Variants in CDC42 observed in about 807,000 individuals in gnomAD.
The protein encoded by CDC42 is cell division cycle 42.
CDC42 carries 1 observed loss-of-function variant against 20.8 expected under a neutral mutation model. The observed-to-expected ratio is 0.05, with a 90% confidence interval of 0.02 to 0.23. CDC42 has a LOEUF of 0.23. CDC42 is among the 10% of genes least tolerant of loss of function. The pLI is 1.00. For synonymous variants in CDC42, 72 were observed against 84.8 expected, an observed-to-expected ratio of 0.85 and a Z score of 0.83; for missense variants, 49 against 227.9, an observed-to-expected ratio of 0.21 and a Z score of 5.05.
intron 5 of CDC42, among the ~76,000 whole-genome samples, chr1:22,087,699 G>A (rs1009845408): frequency 2.0e-5 from 3 of 152,054 alleles, no homozygotes; most frequent in African/African-American, 7.2e-5. Context: ...TGCCTAATAG[G>A]GCAAGATTGA....
At chr1:22,078,828 T>C in intron 2 of CDC42, 1 of 1,418,490 alleles carries the variant, frequency 7.0e-7, no homozygotes, top group Non-Finnish European at 9.3e-7. Flanking sequence ...TAGACAAGAT[T>C]CTAACGAGTG....
chr1:22,064,691 C>CTG (rs1553193974), intron 1 of CDC42, among the ~76,000 whole-genome samples: 2 of 146,172 alleles, frequency 1.4e-5, no homozygotes, highest in Non-Finnish European at 1.5e-5. Flanking sequence ...AGAGAAGATT[C>CTG]TTTTTTTTTT....
At chr1:22,053,934 T>A (rs1188902508) in intron 1 of CDC42, among the ~76,000 whole-genome samples, 3 of 152,206 alleles carry the variant, frequency 2.0e-5, no homozygotes, top group Non-Finnish European at 2.9e-5. Flanking sequence ...TCCCTTTGAC[T>A]ATACTAGAAT....
In CDC42 at chr1:22,099,988, T is replaced by A. The variant is rs1391078853; in HGVS notation, c.*8471T>A. On this transcript the variant is annotated 3_prime_UTR_variant, in exon 6 of 6. Coordinates refer to ENST00000656825, the MANE Select transcript of CDC42 (RefSeq NM_001791.4). ...GAATTTAAGCAGTCTGTCTCTAGAG[T>A]CTGCTCAGCTGGCCTTTTTTTCTTT... 6.6e-6 allele frequency among the ~76,000 whole-genome samples: 1 copy of A among 151,804 alleles called. No individual in the cohort carries two copies. The highest frequency in any genetic ancestry group is 1.9e-4 in the East Asian group (1 of 5,196).
intron 5 of CDC42, among the ~76,000 whole-genome samples, chr1:22,089,445 T>C (rs1326456314): frequency 1.3e-5 from 2 of 152,322 alleles, no homozygotes; most frequent in African/African-American, 4.8e-5. Context: ...GTGTATGCTG[T>C]TTTTAGAGTC....
Position 22,097,968 on chromosome 1 carries a change from G to A in CDC42, c.*6451G>A, listed in dbSNP as rs1413005335. Among the ~76,000 whole-genome samples the A allele has an allele frequency of 2.0e-5, 3 of 152,248 alleles. No homozygotes were observed. Among genetic ancestry groups the A allele is most frequent in the African/African-American group, 7.2e-5 (3 of 41,562 alleles). ...AGAAGTGACAGATTTTCAAGGCTAA[G>A]GTAAGTATAGCATTTTCTCAACCCT... is the stretch of plus-strand genomic sequence containing the variant. On this transcript the variant is annotated 3_prime_UTR_variant, in exon 6 of 6. Transcript: ENST00000656825.
chr1:22,064,580 T>G (rs1645401376), intron 1 of CDC42, among the ~76,000 whole-genome samples: 1 of 152,154 alleles, frequency 6.6e-6, no homozygotes, highest in Admixed American at 6.6e-5. Flanking sequence ...TGTGAGCCAC[T>G]GCGCCTGGCC....
chr1:22,073,157 T>C (rs2152829576), intron 1 of CDC42, among the ~76,000 whole-genome samples: 1 of 152,242 alleles, frequency 6.6e-6, no homozygotes, highest in African/African-American at 2.4e-5. Context: ...TCCATAACCT[T>C]TTAAAATCTG....
In CDC42 at chr1:22,097,774, A is replaced by G. The variant is rs760796633; in HGVS notation, c.*6257A>G. 1.3e-5 allele frequency among the ~76,000 whole-genome samples: 2 copies of G among 152,246 alleles called. No homozygotes were observed. The highest frequency in any genetic ancestry group is 2.9e-5 in the Non-Finnish European group (2 of 68,042). ...CCTACGTTATAGAAAAATGTGAAGTATGTCTAATAAAGGAGTACAGTGGAA... is the reference window on the plus strand; with the variant it reads ...CCTACGTTATAGAAAAATGTGAAGTGTGTCTAATAAAGGAGTACAGTGGAA... On this transcript the variant is annotated 3_prime_UTR_variant, in exon 6 of 6. Coordinates refer to ENST00000656825, the MANE Select transcript of CDC42 (RefSeq NM_001791.4).
chr1:22,091,393 C>A, intron 5 of CDC42, 35 bp from the exon 6 acceptor site: 1 of 1,346,538 alleles, frequency 7.4e-7, no homozygotes, highest in Non-Finnish European at 1.1e-6. Context: ...TACTGAAAAT[C>A]AGACCGCCCA....
At chr1:22,054,482 G>C (rs929597519) in intron 1 of CDC42, among the ~76,000 whole-genome samples, 2 of 152,086 alleles carry the variant, frequency 1.3e-5, no homozygotes, top group Non-Finnish European at 2.9e-5. Context: ...TCCCTAGGGT[G>C]TTTACATTCT....
chr1:22,099,982 C>A lies in CDC42; in HGVS notation c.*8465C>A, dbSNP rs536546411. 7.3e-5 allele frequency among the ~76,000 whole-genome samples: 11 copies of A among 150,230 alleles called. No homozygotes were observed. In the East Asian group the frequency reaches 1.8e-3, roughly 24 times the overall value. ...GGATTTGAATTTAAGCAGTCTGTCT[C>A]TAGAGTCTGCTCAGCTGGCCTTTTT... On this transcript the variant is annotated 3_prime_UTR_variant, in exon 6 of 6. Transcript: ENST00000656825.
At chr1:22,062,786 A>G (rs953017758) in intron 1 of CDC42, among the ~76,000 whole-genome samples, 5 of 145,036 alleles carry the variant, frequency 3.4e-5, no homozygotes, top group Non-Finnish European at 7.5e-5. Context: ...GAACTTATCC[A>G]TTTGTCTATG....
In CDC42 at chr1:22,094,294, A is replaced by AT. The variant is rs747002932; in HGVS notation, c.*2798dup. Among the ~76,000 whole-genome samples, 482 of 38,298 alleles carry AT rather than the reference A, an allele frequency of 0.013. 119 individuals are homozygous for AT. Among genetic ancestry groups the AT allele is most frequent in the African/African-American group, 0.049 (403 of 8,198 alleles). 25.1% of individuals were successfully genotyped at this position (38,298 alleles called of 152,430 possible). ...GTTTTACTGAACATCCTAGAAATAG[A>AT]TTTTTTTTTTTTTTTTTTTTTGAGA... On this transcript the variant is annotated 3_prime_UTR_variant, in exon 6 of 6. Coordinates refer to ENST00000656825, the MANE Select transcript of CDC42 (RefSeq NM_001791.4).
intron 5 of CDC42, among the ~76,000 whole-genome samples, chr1:22,090,956 A>G (rs1645709847): frequency 6.6e-6 from 1 of 152,220 alleles, no homozygotes; most frequent in Non-Finnish European, 1.5e-5. Context: ...TGCAGCTACC[A>G]TAATCACCCT....
chr1:22,100,176 C>T lies in CDC42; in HGVS notation c.*8659C>T, dbSNP rs2124071673. On this transcript the variant is annotated 3_prime_UTR_variant, in exon 6 of 6. Coordinates refer to ENST00000656825, the MANE Select transcript of CDC42 (RefSeq NM_001791.4). ...TGGCTCCCTTCTTTCATTAGCTTGA[C>T]CCAAGCACAGGGAGATGACTGGGGC... Among the ~76,000 whole-genome samples, 1 of 152,146 alleles carries T rather than the reference C, an allele frequency of 6.6e-6. No individual in the cohort carries two copies. The highest frequency in any genetic ancestry group is 1.5e-5 in the Non-Finnish European group (1 of 68,010).
chr1:22,090,660 T>C (rs1323671724), intron 5 of CDC42: 2 of 985,330 alleles, frequency 2.0e-6, no homozygotes, highest in East Asian at 1.1e-4. Context: ...ATAACATCCA[T>C]TTAAACAGTT....
chr1:22,077,412 A>G (rs1473943931), intron 1 of CDC42, among the ~76,000 whole-genome samples: 1 of 152,176 alleles, frequency 6.6e-6, no homozygotes, highest in African/African-American at 2.4e-5. Flanking sequence ...GAATGGTGCT[A>G]TAGGAGCATG....
chr1:22,056,214 A>G (rs1645303371), intron 1 of CDC42, among the ~76,000 whole-genome samples: 1 of 152,176 alleles, frequency 6.6e-6, no homozygotes, highest in South Asian at 2.1e-4. Flanking sequence ...GTTTTCCCTA[A>G]TATTCCATGG....
Sources: allele counts gnomAD v4.1 joint callset (sites outside exome capture counted in the v4.1 genomes callset), GRCh38; gene constraint gnomAD v4.1.1; transcripts MANE v1.5; gene names NCBI Gene and HGNC (gene_info 2026-07-23, HGNC 2026-07-21).